The following CPNE4 variants were observed in gnomAD, a reference collection of about 807,000 sequenced individuals.
The protein encoded by CPNE4 is copine 4, also known as copine-4.
In CPNE4, 25 loss-of-function variants were observed where a neutral mutation model predicts 67.9. The ratio of observed to expected loss-of-function variants is 0.37; its 90% CI spans 0.27 to 0.51. The LOEUF is 0.51. CPNE4 is among the 20% of genes least tolerant of loss of function. CPNE4 has a pLI of 0.93. For missense variants in CPNE4, 464 were observed against 690.8 expected (o/e 0.67, Z 3.68); for synonymous variants, 242 against 244.9 (o/e 0.99, Z 0.11).
intron 2 of CPNE4, among the ~76,000 whole-genome samples, chr3:131,875,769 G>A (rs955526349): frequency 1.3e-5 from 2 of 152,028 alleles, no homozygotes; most frequent in African/African-American, 4.8e-5. Flanking sequence ...CACCAACATG[G>A]CACATGTATA....
intron 2 of CPNE4, among the ~76,000 whole-genome samples, chr3:131,848,652 A>G (rs1472056283): frequency 7.6e-6 from 1 of 130,990 alleles, no homozygotes; most frequent in African/African-American, 2.7e-5. Context: ...GTGATTAGTA[A>G]TTAAATGTGC....
At chr3:131,567,395 AT>A (rs1937114078) in intron 10 of CPNE4, among the ~76,000 whole-genome samples, 1 of 151,974 alleles carries the variant, frequency 6.6e-6, no homozygotes, top group Non-Finnish European at 1.5e-5. Flanking sequence ...TGTGGCAACA[AT>A]ATATTTTAAA....
chr3:132,034,501 G>T, intron 1 of CPNE4, 66 bp downstream of exon 1: 1 of 814,912 alleles, frequency 1.2e-6, no homozygotes, highest in Non-Finnish European at 1.5e-6. Flanking sequence ...CTACGCAGCA[G>T]CTCCAACAGA....
At chr3:131,817,373 G>A (rs1458994982) in intron 2 of CPNE4, among the ~76,000 whole-genome samples, 2 of 152,176 alleles carry the variant, frequency 1.3e-5, no homozygotes, top group Non-Finnish European at 2.9e-5. Context: ...AACAACGGAA[G>A]GCCCTAAAGC....
chr3:131,717,090 T>C (rs754684636), intron 3 of CPNE4, among the ~76,000 whole-genome samples: 1 of 152,232 alleles, frequency 6.6e-6, no homozygotes, highest in Non-Finnish European at 1.5e-5. Context: ...AGGAGCAATT[T>C]AGCGAAAAGA....
chr3:131,967,368 G>A (rs1303184567), intron 1 of CPNE4, among the ~76,000 whole-genome samples: 1 of 152,142 alleles, frequency 6.6e-6, no homozygotes, highest in Non-Finnish European at 1.5e-5. Flanking sequence ...GGAAGTTCTG[G>A]CCAGGGCAAT....
chr3:131,651,229 G>A (rs566829804), intron 7 of CPNE4, among the ~76,000 whole-genome samples: 1 of 152,084 alleles, frequency 6.6e-6, no homozygotes, highest in South Asian at 2.1e-4. Flanking sequence ...ATATATGCAG[G>A]GTCCTCCTGA....
At chr3:131,694,232 T>G (rs1196185802) in intron 5 of CPNE4, among the ~76,000 whole-genome samples, 1 of 152,204 alleles carries the variant, frequency 6.6e-6, no homozygotes, top group Non-Finnish European at 1.5e-5. Context: ...TTATAGTGAC[T>G]TTTAGTCATA....
At chr3:131,645,324 C>T (rs1194571200) in intron 7 of CPNE4, among the ~76,000 whole-genome samples, 1 of 152,142 alleles carries the variant, frequency 6.6e-6, no homozygotes, top group African/African-American at 2.4e-5. Context: ...TGACTCTCTG[C>T]AGGAGGGGCT....
intron 7 of CPNE4, among the ~76,000 whole-genome samples, chr3:131,590,270 T>C (rs1190263461): frequency 1.3e-5 from 2 of 152,070 alleles, no homozygotes; most frequent in African/African-American, 4.8e-5. Flanking sequence ...CCCACTGCAA[T>C]GACCAAGAAC....
intron 1 of CPNE4, 133 bp from the exon 2 acceptor site, chr3:131,905,577 C>T (rs1424430588): frequency 6.5e-6 from 5 of 766,576 alleles, no homozygotes; most frequent in East Asian, 5.5e-5. Context: ...ATTTATCTCA[C>T]TTTCCAACCC....
intron 7 of CPNE4, among the ~76,000 whole-genome samples, chr3:131,641,914 C>A (rs954902537): frequency 6.6e-6 from 1 of 152,144 alleles, no homozygotes; most frequent in African/African-American, 2.4e-5. Flanking sequence ...GAATGGAAAA[C>A]CAAACATCCT....
At chr3:131,813,524 T>C (rs1377985562) in intron 2 of CPNE4, among the ~76,000 whole-genome samples, 1 of 150,832 alleles carries the variant, frequency 6.6e-6, no homozygotes, top group Non-Finnish European at 1.5e-5. Context: ...CTATATTGTA[T>C]GTATGTATAC....
intron 2 of CPNE4, among the ~76,000 whole-genome samples, chr3:131,807,733 G>A (rs1375528335): frequency 3.3e-5 from 5 of 151,892 alleles, no homozygotes; most frequent in South Asian, 2.1e-4. Flanking sequence ...ATTTCCCCAC[G>A]TTCTCACCTG....
chr3:131,808,349 G>A (rs1348180028), intron 2 of CPNE4, among the ~76,000 whole-genome samples: 1 of 152,068 alleles, frequency 6.6e-6, no homozygotes. Flanking sequence ...GGCTCTAGTG[G>A]AAAAAGTGGG....
At chr3:131,791,170 T>C (rs1199762109) in intron 2 of CPNE4, among the ~76,000 whole-genome samples, 1 of 152,228 alleles carries the variant, frequency 6.6e-6, no homozygotes, top group Non-Finnish European at 1.5e-5. Flanking sequence ...ACCACTAGGA[T>C]AAATGAGATT....
intron 5 of CPNE4, among the ~76,000 whole-genome samples, chr3:131,691,177 C>T (rs1037338008): frequency 1.3e-5 from 2 of 152,106 alleles, no homozygotes; most frequent in Non-Finnish European, 2.9e-5. Context: ...ACAGAACTAC[C>T]GTTCAACCCA....
At chr3:131,637,960 C>T (rs1387055805) in intron 7 of CPNE4, among the ~76,000 whole-genome samples, 2 of 152,068 alleles carry the variant, frequency 1.3e-5, no homozygotes, top group East Asian at 3.8e-4. Context: ...AGGAAAGATA[C>T]AGCCTTTTCC....
chr3:131,723,407 A>G (rs755197927), intron 3 of CPNE4, 39 bp downstream of exon 3: 1 of 1,585,552 alleles, frequency 6.3e-7, no homozygotes, highest in African/African-American at 1.3e-5. Context: ...GAAAGGCCCT[A>G]GGATGGCAAG....
Sources: allele counts gnomAD v4.1 joint callset (sites outside exome capture counted in the v4.1 genomes callset), GRCh38; gene constraint gnomAD v4.1.1; transcripts MANE v1.5; gene names NCBI Gene and HGNC (gene_info 2026-07-23, HGNC 2026-07-21).